Variants in PCDHGA6 observed in about 807,000 individuals in gnomAD.
The protein encoded by PCDHGA6 is protocadherin gamma subfamily A, 6, also known as protocadherin gamma-A6.
In PCDHGA6, 41 loss-of-function variants were observed where a neutral mutation model predicts 60.6. That is an observed-to-expected ratio of 0.68 (90% CI 0.53 to 0.88). PCDHGA6 has a LOEUF of 0.88. Ranked by LOEUF, PCDHGA6 falls within the 40% of genes least tolerant of loss-of-function variation. PCDHGA6 has a pLI of 0.00. For synonymous variants in PCDHGA6, 594 were observed against 524.4 expected (o/e 1.13, Z -1.81); for missense variants, 1,312 against 1,203.0 (o/e 1.09, Z -1.34).
chr5:141,415,739 GGTTTTTT>G lies in PCDHGA6; in HGVS notation c.2424+39233_2424+39239del. 7.6e-5 allele frequency: 33 copies of G among 434,894 alleles called. No homozygotes were observed. In the African/African-American group the frequency reaches 8.5e-4, roughly 11 times the overall value. The allele number at this position is 434,894 out of a possible 1,614,324, so 26.9% of individuals were successfully genotyped here. A position where few individuals can be genotyped will look rare whatever the true frequency, so the allele number is the denominator to read the frequency against. On this transcript the variant is annotated intron_variant, in intron 1 of 3. Transcript: ENST00000517434. ...ATGAGTAGAATTTGATGTTTATTAA[GGTTTTTT>G]TTTTTTTTTTTTTTTTTTTTTTTTT...
rs2097383894 is a variant in PCDHGA6, at chr5:141,431,489, C to T, written c.2424+54982C>T. On this transcript the variant is annotated intron_variant, in intron 1 of 3. Transcript: ENST00000517434. This position sits in a 1 kb window ranked among gnomAD's most constrained non-coding sequence, Gnocchi z 4.8. ...GAACGACAACGCACCAGCGTTTGCTCAGCCCGAGTACCGCGCGAGCGTTCC... is the reference window on the plus strand; with the variant it reads ...GAACGACAACGCACCAGCGTTTGCTTAGCCCGAGTACCGCGCGAGCGTTCC... The T allele has an allele frequency of 1.2e-6, 2 of 1,613,850 alleles. No homozygotes were observed. The highest frequency in any genetic ancestry group is 3.3e-5 in the Admixed American group (2 of 60,016).
chr5:141,498,265 T>G (rs2099782779), intron 2 of PCDHGA6, among the ~76,000 whole-genome samples: 2 of 152,010 alleles, frequency 1.3e-5, no homozygotes, highest in Non-Finnish European at 2.9e-5. Context: ...TGTTGAGTTC[T>G]TCAGTAAACT....
chr5:141,432,031 C>T lies in PCDHGA6; in HGVS notation c.2424+55524C>T. The T allele has an allele frequency of 6.2e-7, 1 of 1,614,220 alleles. No individual in the cohort carries two copies. Among genetic ancestry groups the T allele is most frequent in the Non-Finnish European group, 8.5e-7 (1 of 1,180,048 alleles). ...CTAGCTACAACATCACAGTGACCGC[C>T]ACTGACCGGGGAACCCCGCCCCTAT... On this transcript the variant is annotated intron_variant, in intron 1 of 3. Coordinates refer to ENST00000517434, the MANE Select transcript of PCDHGA6 (RefSeq NM_018919.3). This position sits in a 1 kb window ranked among gnomAD's most constrained non-coding sequence, Gnocchi z 6.0.
intron 1 of PCDHGA6, chr5:141,421,344 G>A: frequency 6.2e-7 from 1 of 1,613,976 alleles, no homozygotes; most frequent in Non-Finnish European, 8.5e-7. Context: ...TGCCAGAAGA[G>A]ACCGAAAAGG....
chr5:141,407,591 C>T (rs878883569), intron 1 of PCDHGA6, among the ~76,000 whole-genome samples: 1 of 151,680 alleles, frequency 6.6e-6, no homozygotes, highest in Non-Finnish European at 1.5e-5. Flanking sequence ...CTTAATGTCT[C>T]ATCTTAAAAA....
At chr5:141,395,889 G>A (rs1375818306) in intron 1 of PCDHGA6, 3 of 151,948 alleles carry the variant, frequency 2.0e-5, no homozygotes, top group African/African-American at 4.8e-5. Flanking sequence ...GTGGTCACCT[G>A]GGCTCCATGC....
At chr5:141,417,743 A>T in intron 1 of PCDHGA6, 2 of 1,419,054 alleles carry the variant, frequency 1.4e-6, no homozygotes, top group Non-Finnish European at 1.9e-6. Flanking sequence ...AGCACACCAG[A>T]TTGCCAGCTC....
chr5:141,503,343 T>C (rs558650835), intron 2 of PCDHGA6, among the ~76,000 whole-genome samples: 87 of 152,106 alleles, frequency 5.7e-4, no homozygotes, highest in South Asian at 1.2e-3. Flanking sequence ...ACGCCTGTAA[T>C]TCCAGCACTT....
At chr5:141,450,549 C>T (rs1414500813) in intron 1 of PCDHGA6, among the ~76,000 whole-genome samples, 2 of 151,756 alleles carry the variant, frequency 1.3e-5, no homozygotes, top group Non-Finnish European at 2.9e-5. Context: ...TGCAGTGGCG[C>T]AGTCTCGGCT....
At position 141,487,267 on chromosome 5, in the gene PCDHGA6, G is replaced by A; in HGVS notation, c.2425-7540G>A. 3 of 1,614,134 alleles carry A rather than the reference G, an allele frequency of 1.9e-6. No individual in the cohort carries two copies. The highest frequency in any genetic ancestry group is 2.5e-6 in the Non-Finnish European group (3 of 1,180,024). ...CCCTCTACTTGGCTGTGTCCCTAGT[G>A]GCAATTTGCTTTGTCTCCTTTGGCT... is the stretch of plus-strand genomic sequence containing the variant. On this transcript the variant is annotated intron_variant, in intron 1 of 3. Transcript: ENST00000517434. The surrounding 1 kb of genome is among the most constrained non-coding windows in gnomAD (Gnocchi z 5.0).
intron 1 of PCDHGA6, chr5:141,382,963 A>T (rs1778642004): frequency 6.2e-7 from 1 of 1,606,674 alleles, no homozygotes. Context: ...CCTCCTGGGG[A>T]CCCCCTGGGA....
At chr5:141,399,947 C>G in intron 1 of PCDHGA6, 1 of 1,612,228 alleles carries the variant, frequency 6.2e-7, no homozygotes. Context: ...GTGCTGCAGG[C>G]TAGCGAGCCC....
intron 1 of PCDHGA6, among the ~76,000 whole-genome samples, chr5:141,386,301 G>T (rs1049977575): frequency 1.3e-5 from 2 of 152,180 alleles, no homozygotes; most frequent in Non-Finnish European, 1.5e-5. Context: ...TTTTAGTAAA[G>T]CTCAGTATAT....
Position 141,375,915 on chromosome 5 carries a change from C to A in PCDHGA6, c.1832C>A (p.Ala611Asp). 2 of 1,613,746 alleles carry A rather than the reference C, an allele frequency of 1.2e-6. No homozygotes were observed. The highest frequency in any genetic ancestry group is 2.2e-5 in the South Asian group (2 of 91,072). The change falls in exon 1 of 4, where the codon GCC (alanine) becomes GAC (aspartate). Residue 611 changes from alanine (A) to aspartate (D), a missense_variant. Ala to Asp is a moderately radical substitution (Grantham distance 126, BLOSUM62 -2). Coordinates refer to ENST00000517434, the MANE Select transcript of PCDHGA6 (RefSeq NM_018919.3). ...TGGCTGTCCTACCGCCTGCTCAAGG[C>A]CAGCGAGCCAGGACTTTTCTCAGTG... The part of the protein sequence containing the change: ...NAWLSYRLLK[A>D]SEPGLFSVGL...
Position 141,476,220 on chromosome 5 carries a change from A to G in PCDHGA6, c.2425-18587A>G, listed in dbSNP as rs770978000. On this transcript the variant is annotated intron_variant, in intron 1 of 3. Coordinates refer to ENST00000517434, the MANE Select transcript of PCDHGA6 (RefSeq NM_018919.3). This position sits in a 1 kb window ranked among gnomAD's most constrained non-coding sequence, Gnocchi z 7.6. Reference sequence around the variant, plus strand: ...AACAAGGCTTCCACGGTCATTCACTATGAGATCCCGGAGGAAAGAGAGAAG... The same window carrying G: ...AACAAGGCTTCCACGGTCATTCACTGTGAGATCCCGGAGGAAAGAGAGAAG... 44 of 1,613,884 alleles carry G rather than the reference A, an allele frequency of 2.7e-5. No individual in the cohort carries two copies. The highest frequency in any genetic ancestry group is 3.4e-5 in the Non-Finnish European group (40 of 1,180,004).
At chr5:141,450,869 G>A (rs1435272731) in intron 1 of PCDHGA6, among the ~76,000 whole-genome samples, 1 of 147,142 alleles carries the variant, frequency 6.8e-6, no homozygotes, top group Admixed American at 6.9e-5. Context: ...CTGTCACCCA[G>A]GCTGGTGTGC....
chr5:141,381,826 C>CTTTTTTTTTTTTTTT (rs770630741), intron 1 of PCDHGA6, among the ~76,000 whole-genome samples: 9 of 74,290 alleles, frequency 1.2e-4, no homozygotes, highest in Middle Eastern at 7.9e-3. Flanking sequence ...CTTTCTTCTT[C>CTTTTTTTTTTTTTTT]TTTTTTTTTT....
chr5:141,467,055 CTTTT>C (rs1193465269), intron 1 of PCDHGA6, among the ~76,000 whole-genome samples: 5 of 134,484 alleles, frequency 3.7e-5, no homozygotes, highest in Non-Finnish European at 4.9e-5. Context: ...TCAATGTTTT[CTTTT>C]TTTTTTTTTT....
intron 2 of PCDHGA6, among the ~76,000 whole-genome samples, chr5:141,498,112 AG>A (rs947089103): frequency 2.0e-5 from 3 of 152,232 alleles, no homozygotes; most frequent in African/African-American, 7.2e-5. Flanking sequence ...GGCGTATAAT[AG>A]GGATTTGATT....
Sources: allele counts gnomAD v4.1 joint callset (sites outside exome capture counted in the v4.1 genomes callset), GRCh38; gene constraint gnomAD v4.1.1; non-coding constraint Gnocchi (gnomAD v3.1); transcripts MANE v1.5; gene names NCBI Gene and HGNC (gene_info 2026-07-23, HGNC 2026-07-21).